Variants in GBF1 observed in about 807,000 individuals in gnomAD.
The protein encoded by GBF1 is Golgi-specific brefeldin A-resistance guanine nucleotide exchange factor 1.
GBF1 carries 114 observed loss-of-function variants against 210.5 expected under a neutral mutation model. That is an observed-to-expected ratio of 0.54 (90% confidence interval 0.47 to 0.63). The LOEUF (loss-of-function observed/expected upper bound fraction) is 0.63. Among genes scored for constraint, GBF1 ranks in the 30% least tolerant of loss-of-function variants. The pLI, the probability that GBF1 is intolerant of heterozygous loss-of-function variation, is 0.00. For missense variants in GBF1, 1,851 were observed against 2,357.7 expected, an observed-to-expected ratio of 0.79 and a Z score of 4.45; for synonymous variants, 850 against 889.2, an observed-to-expected ratio of 0.96 and a Z score of 0.78.
intron 8 of GBF1, among the ~76,000 whole-genome samples, chr10:102,355,857 T>G (rs956578243): frequency 6.6e-6 from 1 of 152,198 alleles, no homozygotes; most frequent in Non-Finnish European, 1.5e-5. Context: ...CCTCTTGCCC[T>G]TTTGCATGTT....
chr10:102,306,425 G>GT (rs1313224406), intron 3 of GBF1, among the ~76,000 whole-genome samples: 1 of 151,760 alleles, frequency 6.6e-6, no homozygotes, highest in Non-Finnish European at 1.5e-5. Flanking sequence ...CTCTTTATTT[G>GT]TTTTTTTGTT....
intron 10 of GBF1, chr10:102,359,005 T>C: frequency 1.7e-6 from 1 of 587,486 alleles, no homozygotes; most frequent in Admixed American, 3.0e-5. Flanking sequence ...TGGAAGGTAA[T>C]GATCCAAATC....
At chr10:102,280,546 T>G (rs2075391845) in intron 3 of GBF1, among the ~76,000 whole-genome samples, 1 of 152,212 alleles carries the variant, frequency 6.6e-6, no homozygotes, top group African/African-American at 2.4e-5. Flanking sequence ...ACCTCCCATT[T>G]CAATCTCTTC....
At chr10:102,358,458 C>T in intron 9 of GBF1, 48 bp from the exon 10 acceptor site, 1 of 1,364,642 alleles carries the variant, frequency 7.3e-7, no homozygotes, top group Non-Finnish European at 1.0e-6. Flanking sequence ...TTTGTTTTGC[C>T]CACAGCCTCT....
intron 3 of GBF1, among the ~76,000 whole-genome samples, chr10:102,295,598 G>GA (rs1285847224): frequency 2.6e-5 from 4 of 152,078 alleles, no homozygotes; most frequent in Non-Finnish European, 5.9e-5. Flanking sequence ...GAATAGAAGG[G>GA]AAAAAACAAG....
intron 29 of GBF1, among the ~76,000 whole-genome samples, chr10:102,374,702 C>T (rs966103776): frequency 1.3e-5 from 2 of 152,096 alleles, no homozygotes; most frequent in African/African-American, 2.4e-5. Context: ...TTAATACACA[C>T]AAAAATGCAA....
chr10:102,359,151 G>A (rs2059450311), intron 10 of GBF1, 116 bp from the exon 11 acceptor site: 12 of 729,664 alleles, frequency 1.6e-5, no homozygotes, highest in South Asian at 1.5e-4. Context: ...CCACTGAGTT[G>A]GCCCTACATC....
At chr10:102,297,674 A>G (rs1452841307) in intron 3 of GBF1, among the ~76,000 whole-genome samples, 1 of 152,236 alleles carries the variant, frequency 6.6e-6, no homozygotes, top group African/African-American at 2.4e-5. Context: ...CAGAAGGGAA[A>G]GAAATGATCT....
chr10:102,236,773 A>G, the GBF1 span, among the ~76,000 whole-genome samples: 1 of 152,202 alleles, frequency 6.6e-6, no homozygotes, highest in Non-Finnish European at 1.5e-5. Flanking sequence ...ATAATGCCTG[A>G]GGCTGGAGGC....
intron 3 of GBF1, among the ~76,000 whole-genome samples, chr10:102,309,761 A>C (rs1413402372): frequency 6.6e-6 from 1 of 152,168 alleles, no homozygotes; most frequent in Non-Finnish European, 1.5e-5. Flanking sequence ...TATTAGTTGT[A>C]GAATGAAAGG....
intron 1 of GBF1, among the ~76,000 whole-genome samples, chr10:102,249,416 T>G (rs903111326): frequency 1.3e-5 from 2 of 152,148 alleles, no homozygotes; most frequent in African/African-American, 4.8e-5. Flanking sequence ...TCTCAGAATC[T>G]CCACAGGGGG....
intron 29 of GBF1, 86 bp downstream of exon 29, chr10:102,370,946 G>A: frequency 7.7e-7 from 1 of 1,304,958 alleles, no homozygotes; most frequent in East Asian, 2.4e-5. Flanking sequence ...CTGAGACAGA[G>A]AGTACATTTA....
intron 3 of GBF1, among the ~76,000 whole-genome samples, chr10:102,318,674 T>C (rs1384713436): frequency 6.6e-6 from 1 of 152,078 alleles, no homozygotes; most frequent in East Asian, 1.9e-4. Flanking sequence ...AAGTCCAACT[T>C]CCCCCCCTTC....
At chr10:102,374,140 A>C (rs1426768948) in intron 29 of GBF1, among the ~76,000 whole-genome samples, 2 of 152,142 alleles carry the variant, frequency 1.3e-5, no homozygotes, top group African/African-American at 2.4e-5. Flanking sequence ...ACTTGAGGTC[A>C]GGAGTTCGAG....
intron 8 of GBF1, among the ~76,000 whole-genome samples, chr10:102,356,651 C>A (rs2059307245): frequency 6.6e-6 from 1 of 151,776 alleles, no homozygotes; most frequent in South Asian, 2.1e-4. Context: ...CCTGTAGTCC[C>A]AGCTACTCAG....
intron 3 of GBF1, among the ~76,000 whole-genome samples, chr10:102,267,174 T>C (rs1384481153): frequency 6.6e-6 from 1 of 152,094 alleles, no homozygotes; most frequent in East Asian, 1.9e-4. Context: ...AGAAAAGAGA[T>C]TTTAGTAGTC....
chr10:102,362,720 A>C, intron 15 of GBF1, 56 bp downstream of exon 15: 2 of 1,390,100 alleles, frequency 1.4e-6, no homozygotes, highest in Non-Finnish European at 2.0e-6. Flanking sequence ...TCCCTTCTCT[A>C]CTCTCTGAGT....
At chr10:102,254,554 C>T (rs1001529189) in intron 1 of GBF1, among the ~76,000 whole-genome samples, 4 of 152,078 alleles carry the variant, frequency 2.6e-5, no homozygotes, top group African/African-American at 9.7e-5. Context: ...ACAGTGACTC[C>T]TCTTTGGATC....
At chr10:102,301,890 G>A (rs1171574251) in intron 3 of GBF1, among the ~76,000 whole-genome samples, 1 of 152,226 alleles carries the variant, frequency 6.6e-6, no homozygotes, top group Non-Finnish European at 1.5e-5. Context: ...TGCAATCTCG[G>A]CACTTTGGGA....
Sources: gnomAD v4.1 joint callset for allele counts (sites outside exome capture counted in the v4.1 genomes callset) on GRCh38, gnomAD v4.1.1 for gene constraint, MANE v1.5 for transcripts, NCBI Gene and HGNC (gene_info 2026-07-23, HGNC 2026-07-21) for gene names.